The following LRRC7 variants were observed in gnomAD, a reference collection of about 807,000 sequenced individuals.
LRRC7 encodes the protein leucine rich repeat containing 7.
Under a neutral mutation model 175.7 loss-of-function variants are expected in LRRC7, and 23 were observed. The observed-to-expected ratio is 0.13, with a 90% CI of 0.09 to 0.19. The LOEUF is 0.19. Among genes scored for constraint, LRRC7 ranks in the 10% least tolerant of loss-of-function variants. The probability of loss-of-function intolerance (pLI) is 1.00; values close to 1 mark genes in which losing one functional copy is unlikely to be tolerated. For missense variants in LRRC7, 1,354 were observed against 1,904.7 expected, an observed-to-expected ratio of 0.71 and a Z score of 5.38; for synonymous variants, 685 against 680.9, an observed-to-expected ratio of 1.01 and a Z score of -0.09.
chr1:69,637,947 C>T (rs1033202855), intron 1 of LRRC7, among the ~76,000 whole-genome samples: 5 of 151,774 alleles, frequency 3.3e-5, no homozygotes, highest in Non-Finnish European at 7.4e-5. Context: ...TTAAGAGCCT[C>T]GCCTGAGATT....
At chr1:70,045,542 G>C (rs1035629775) in intron 22 of LRRC7, among the ~76,000 whole-genome samples, 4 of 152,030 alleles carry the variant, frequency 2.6e-5, no homozygotes, top group Non-Finnish European at 4.4e-5. Flanking sequence ...AACAAAACCA[G>C]TTTTCAAAAA....
At chr1:69,911,805 C>A (rs1241738485) in intron 7 of LRRC7, among the ~76,000 whole-genome samples, 6 of 152,110 alleles carry the variant, frequency 3.9e-5, no homozygotes, top group Non-Finnish European at 4.4e-5. Context: ...AGTTTAAATT[C>A]TCTGACAGCT....
intron 24 of LRRC7, among the ~76,000 whole-genome samples, chr1:70,085,816 A>C (rs1051500872): frequency 6.6e-6 from 1 of 152,156 alleles, no homozygotes; most frequent in Admixed American, 6.5e-5. Flanking sequence ...TATGTTTGCT[A>C]TCTATCTTCC....
At chr1:70,066,455 T>C (rs1661981148) in intron 23 of LRRC7, among the ~76,000 whole-genome samples, 1 of 152,064 alleles carries the variant, frequency 6.6e-6, no homozygotes, top group African/African-American at 2.4e-5. Flanking sequence ...TTTTGCCATT[T>C]CAAGAATGCT....
At chr1:69,607,676 G>A (rs1458605998) in intron 1 of LRRC7, 1 of 152,062 alleles carries the variant, frequency 6.6e-6, no homozygotes, top group Non-Finnish European at 1.5e-5. Context: ...TCTAGTGTGT[G>A]TGTGTTTACT....
At chr1:69,876,060 C>T (rs1393160433) in intron 7 of LRRC7, among the ~76,000 whole-genome samples, 4 of 151,998 alleles carry the variant, frequency 2.6e-5, no homozygotes, top group African/African-American at 4.8e-5. Flanking sequence ...ATTGGCATCT[C>T]ATGAAGAGAA....
chr1:69,600,602 A>G (rs1489199391), intron 1 of LRRC7, among the ~76,000 whole-genome samples: 1 of 152,010 alleles, frequency 6.6e-6, no homozygotes, highest in African/African-American at 2.4e-5. Flanking sequence ...TACTTTGTCT[A>G]TTGTATAGCA....
chr1:69,915,839 A>G (rs2101716338), intron 7 of LRRC7, among the ~76,000 whole-genome samples: 1 of 151,424 alleles, frequency 6.6e-6, no homozygotes, highest in Non-Finnish European at 1.5e-5. Flanking sequence ...TGGTTTACCT[A>G]TATTAACTAT....
chr1:69,710,519 A>G lies in LRRC7; in HGVS notation c.100+32041A>G, dbSNP rs1003643217. On this transcript the variant is annotated intron_variant, in intron 2 of 26. Coordinates refer to ENST00000651989, the MANE Select transcript of LRRC7 (RefSeq NM_001370785.2). The stretch of plus-strand genomic sequence containing the variant: ...AACAATGAAAGCTTTATAGATATCT[A>G]CAGTCTCTGTTGTTTTCATTTTCTG... 7.2e-5 allele frequency among the ~76,000 whole-genome samples: 11 copies of G among 152,272 alleles called. No homozygotes were observed. In the South Asian group the frequency reaches 1.0e-3, roughly 14 times the overall value.
At chr1:69,693,690 T>C (rs1662196929) in intron 2 of LRRC7, among the ~76,000 whole-genome samples, 1 of 152,186 alleles carries the variant, frequency 6.6e-6, no homozygotes, top group East Asian at 1.9e-4. Context: ...TTTGACCAAC[T>C]ATATGGGCAC....
chr1:70,043,628 C>T (rs1437992577), intron 21 of LRRC7, among the ~76,000 whole-genome samples: 1 of 152,204 alleles, frequency 6.6e-6, no homozygotes, highest in Non-Finnish European at 1.5e-5. Flanking sequence ...AATGAATAGA[C>T]TACCACAGAC....
chr1:70,113,050 A>C (rs1193003713), intron 26 of LRRC7, among the ~76,000 whole-genome samples: 3 of 152,136 alleles, frequency 2.0e-5, no homozygotes, highest in Admixed American at 2.0e-4. Flanking sequence ...CGATAGGGGG[A>C]GACAGCGAGC....
intron 23 of LRRC7, among the ~76,000 whole-genome samples, chr1:70,071,580 A>G (rs1662391408): frequency 6.6e-6 from 1 of 152,186 alleles, no homozygotes; most frequent in South Asian, 2.1e-4. Context: ...AATTACTGAT[A>G]CTGACTTATT....
chr1:69,759,462 G>A (rs190582263), intron 2 of LRRC7, among the ~76,000 whole-genome samples: 12 of 152,102 alleles, frequency 7.9e-5, no homozygotes, highest in Admixed American at 3.9e-4. Flanking sequence ...TAGAGGAATA[G>A]GAGAAAGATG....
chr1:69,974,576 G>A (rs1176325895), intron 8 of LRRC7, among the ~76,000 whole-genome samples: 1 of 152,148 alleles, frequency 6.6e-6, no homozygotes, highest in Non-Finnish European at 1.5e-5. Context: ...ATAGAAAAAT[G>A]TGATCAATGT....
intron 24 of LRRC7, among the ~76,000 whole-genome samples, chr1:70,079,083 AAAATTGAGACCTTTTT>A (rs1663024913): frequency 6.6e-6 from 1 of 152,150 alleles, no homozygotes; most frequent in African/African-American, 2.4e-5. Flanking sequence ...ATTTCTTTTG[AAAATTGAGACCTTTTT>A]AATAAGTGTA....
intron 1 of LRRC7, among the ~76,000 whole-genome samples, chr1:69,672,346 A>G (rs550973894): frequency 2.0e-5 from 3 of 152,306 alleles, no homozygotes; most frequent in African/African-American, 7.2e-5. Context: ...CAGCCACTTT[A>G]TTGGACAGCA....
At position 70,039,566 on chromosome 1, in the gene LRRC7, T is replaced by C; in HGVS notation, c.3742T>C (p.Tyr1248His). 6.2e-7 allele frequency: 1 copy of C among 1,614,116 alleles called. No individual in the cohort carries two copies. The highest frequency in any genetic ancestry group is 8.5e-7 in the Non-Finnish European group (1 of 1,180,010). Reference sequence around the variant, plus strand: ...TGCGAGAAGCTACAGTACAGAGAGTTACGGTGCCTCCCAAACCAGGCCAGT... The same window carrying C: ...TGCGAGAAGCTACAGTACAGAGAGTCACGGTGCCTCCCAAACCAGGCCAGT... ...LSARSYSTES[Y>H]GASQTRPVSA... The change falls in exon 21 of 27, where the codon TAC becomes CAC. Residue 1248 changes from tyrosine to histidine, a missense_variant. Coordinates refer to ENST00000651989, the MANE Select transcript of LRRC7 (RefSeq NM_001370785.2).
chr1:69,621,956 T>C (rs1453295622), intron 1 of LRRC7, among the ~76,000 whole-genome samples: 1 of 152,238 alleles, frequency 6.6e-6, no homozygotes, highest in African/African-American at 2.4e-5. Flanking sequence ...GTTTTCCTTC[T>C]CTGAACTTGA....
Sources: allele counts gnomAD v4.1 joint callset (sites outside exome capture counted in the v4.1 genomes callset), GRCh38; gene constraint gnomAD v4.1.1; transcripts MANE v1.5; gene names NCBI Gene and HGNC (gene_info 2026-07-23, HGNC 2026-07-21).